The following WDR72 variants were observed in gnomAD, a reference collection of about 807,000 sequenced individuals.
WDR72 encodes the protein WD repeat-containing protein 72.
In WDR72, 120 loss-of-function variants were observed where a neutral mutation model predicts 124.2. The ratio of observed to expected loss-of-function variants is 0.97; its 90% CI spans 0.83 to 1.12. The LOEUF is 1.12. Among genes scored for constraint, WDR72 ranks in the 50% most tolerant of loss-of-function variants. The pLI is 0.00. For missense variants in WDR72, 1,387 were observed against 1,278.8 expected (o/e 1.08, Z -1.29); for synonymous variants, 452 against 441.7 (o/e 1.02, Z -0.29).
chr15:53,712,948 T>A (rs2017589336), intron 6 of WDR72, 57 bp from the exon 7 acceptor site: 1 of 1,589,524 alleles, frequency 6.3e-7, no homozygotes, highest in Non-Finnish European at 8.6e-7. Flanking sequence ...TACACAGCCA[T>A]GAGAAGACCT....
Position 53,613,666 on chromosome 15 carries a change from C to A in WDR72, c.2872G>T (p.Gly958Cys). The part of the protein sequence containing the change: ...MSSFYSCLRN[G>C]KNESHVPEAD... The stretch of plus-strand genomic sequence containing the variant: ...ATATCTGTGCCAGTAACTCTCTTAC[C>A]ATTTCGTAAGCAACTGTAGAAGCTT... Residue 958 changes from glycine to cysteine, a missense_variant and splice_region_variant, in exon 16 of 20, where the codon GGT becomes TGT. By Grantham distance (159) the Gly-to-Cys change is radical. Coordinates refer to ENST00000360509, the MANE Select transcript of WDR72 (RefSeq NM_182758.4). 2 of 1,604,926 alleles carry A rather than the reference C, an allele frequency of 1.2e-6. No homozygotes were observed. The highest frequency in any genetic ancestry group is 1.3e-5 in the African/African-American group (1 of 74,792).
At chr15:53,634,821 C>T (rs2014565450) in intron 14 of WDR72, among the ~76,000 whole-genome samples, 1 of 152,170 alleles carries the variant, frequency 6.6e-6, no homozygotes, top group African/African-American at 2.4e-5. Context: ...AAGGTGGTGC[C>T]AGTAGGGCTG....
At chr15:53,715,711 C>T (rs2017685002) in intron 4 of WDR72, among the ~76,000 whole-genome samples, 1 of 152,246 alleles carries the variant, frequency 6.6e-6, no homozygotes, top group Admixed American at 6.5e-5. Context: ...AATCCCAGTG[C>T]TTTGGGAGGA....
chr15:53,685,652 G>A (rs927036576), intron 13 of WDR72, among the ~76,000 whole-genome samples: 2 of 151,198 alleles, frequency 1.3e-5, no homozygotes, highest in Non-Finnish European at 2.9e-5. Context: ...ATATTATCCA[G>A]GAGAACTTCC....
intron 16 of WDR72, among the ~76,000 whole-genome samples, chr15:53,610,235 C>T (rs2013480623): frequency 6.6e-6 from 1 of 152,104 alleles, no homozygotes; most frequent in Non-Finnish European, 1.5e-5. Flanking sequence ...TGAGTGAGTG[C>T]TTGGTCTATG....
At chr15:53,712,674 G>A in intron 7 of WDR72, 98 bp downstream of exon 7, 1 of 1,221,086 alleles carries the variant, frequency 8.2e-7, no homozygotes. Flanking sequence ...CTATTACAGA[G>A]AATTTGTATC....
At chr15:53,719,747 C>A (rs1371664689) in intron 3 of WDR72, among the ~76,000 whole-genome samples, 4 of 152,160 alleles carry the variant, frequency 2.6e-5, no homozygotes, top group African/African-American at 9.7e-5. Flanking sequence ...TAGCCCAGAC[C>A]TACTACATCT....
intron 18 of WDR72, among the ~76,000 whole-genome samples, chr15:53,548,062 A>G (rs1595752286): frequency 6.6e-6 from 1 of 152,220 alleles, no homozygotes; most frequent in South Asian, 2.1e-4. Flanking sequence ...ATATAAGTCT[A>G]TGCTGAATGT....
intron 13 of WDR72, among the ~76,000 whole-genome samples, chr15:53,689,791 C>T (rs1415878965): frequency 1.3e-5 from 2 of 151,914 alleles, no homozygotes; most frequent in African/African-American, 2.4e-5. Flanking sequence ...GCATTATTCA[C>T]AATAGCAAAG....
intron 18 of WDR72, among the ~76,000 whole-genome samples, chr15:53,554,239 T>G (rs1893843609): frequency 1.3e-5 from 2 of 152,150 alleles, no homozygotes; most frequent in South Asian, 4.1e-4. Flanking sequence ...AAGAGCCATT[T>G]GGTAAAATAA....
At chr15:53,721,441 A>C (rs956552) in intron 3 of WDR72, among the ~76,000 whole-genome samples, 97,423 of 152,020 alleles carry the variant, frequency 0.64, 32,615 homozygotes, top group Middle Eastern at 0.75. Context: ...TTGGGAATAA[A>C]TATCTCAGCA....
At chr15:53,721,151 A>G (rs2017865154) in intron 3 of WDR72, among the ~76,000 whole-genome samples, 1 of 152,176 alleles carries the variant, frequency 6.6e-6, no homozygotes, top group South Asian at 2.1e-4. Flanking sequence ...GTTCTAGAAA[A>G]TTCAAATCAA....
At chr15:53,668,904 C>CA (rs10640900) in intron 13 of WDR72, among the ~76,000 whole-genome samples, 34,417 of 70,704 alleles carry the variant, frequency 0.49, 7,894 homozygotes, top group Middle Eastern at 0.64. Flanking sequence ...GACCTCGTCT[C>CA]AAAAAAAAAA....
intron 14 of WDR72, among the ~76,000 whole-genome samples, chr15:53,629,665 CAAGGATCT>C (rs2014346052): frequency 6.6e-6 from 1 of 152,076 alleles, no homozygotes; most frequent in Non-Finnish European, 1.5e-5. Context: ...AGCTTTGTGA[CAAGGATCT>C]TTTCTTCCCT....
chr15:53,649,397 T>C (rs186578506), intron 14 of WDR72, among the ~76,000 whole-genome samples: 3 of 152,308 alleles, frequency 2.0e-5, no homozygotes. Flanking sequence ...ATATTTTTTC[T>C]GGGCAAAAAT....
chr15:53,755,867 A>T (rs1340356003), intron 1 of WDR72, among the ~76,000 whole-genome samples: 1 of 152,240 alleles, frequency 6.6e-6, no homozygotes, highest in East Asian at 1.9e-4. Flanking sequence ...CAGTCTAAAA[A>T]AGTGGGGGGC....
intron 13 of WDR72, among the ~76,000 whole-genome samples, chr15:53,676,188 G>A (rs2016165703): frequency 6.6e-6 from 1 of 152,148 alleles, no homozygotes; most frequent in Non-Finnish European, 1.5e-5. Flanking sequence ...AGGTAGGACT[G>A]TCCTACCTGA....
intron 18 of WDR72, among the ~76,000 whole-genome samples, chr15:53,553,630 T>C (rs1893822740): frequency 6.6e-6 from 1 of 152,152 alleles, no homozygotes; most frequent in African/African-American, 2.4e-5. Flanking sequence ...GGAAATGCTA[T>C]ATGCATTTCA....
chr15:53,611,881 A>T (rs1207307168), intron 16 of WDR72, among the ~76,000 whole-genome samples: 4 of 151,814 alleles, frequency 2.6e-5, no homozygotes, highest in African/African-American at 4.8e-5. Context: ...CTAATAATAA[A>T]CTCTCACTTG....
Sources: gnomAD v4.1 joint callset for allele counts (sites outside exome capture counted in the v4.1 genomes callset) on GRCh38, gnomAD v4.1.1 for gene constraint, MANE v1.5 for transcripts, NCBI Gene and HGNC (gene_info 2026-07-23, HGNC 2026-07-21) for gene names.